ZCCHC17: variants seen among roughly 807,000 people sequenced by gnomAD.
The protein encoded by ZCCHC17 is zinc finger CCHC domain-containing protein 17.
Under a neutral mutation model 30.6 loss-of-function variants are expected in ZCCHC17, and 18 were observed. The ratio of observed to expected loss-of-function variants is 0.59; its 90% CI spans 0.41 to 0.87. ZCCHC17 has a LOEUF of 0.87. ZCCHC17 is among the 40% of genes least tolerant of loss of function. The probability of loss-of-function intolerance (pLI) is 0.00; values close to 1 mark genes in which losing one functional copy is unlikely to be tolerated. For missense variants in ZCCHC17, 263 were observed against 284.2 expected (o/e 0.93, Z 0.54); for synonymous variants, 88 against 92.4 (o/e 0.95, Z 0.27).
intron 7 of ZCCHC17, among the ~76,000 whole-genome samples, chr1:31,352,184 C>T (rs746165248): frequency 3.3e-5 from 5 of 152,134 alleles, no homozygotes; most frequent in Non-Finnish European, 5.9e-5. Flanking sequence ...GTAAAATACA[C>T]ATAACATAAA....
At chr1:31,298,204 G>A (rs1187866895) in intron 1 of ZCCHC17, among the ~76,000 whole-genome samples, 1 of 152,134 alleles carries the variant, frequency 6.6e-6, no homozygotes, top group Admixed American at 6.5e-5. Context: ...AGGTATATAG[G>A]AGGTAAAATG....
chr1:31,329,659 G>T (rs886500624), intron 3 of ZCCHC17, among the ~76,000 whole-genome samples: 2 of 152,150 alleles, frequency 1.3e-5, no homozygotes, highest in Admixed American at 6.5e-5. Context: ...ATGGAATTGT[G>T]GAACGGTTAG....
intron 7 of ZCCHC17, among the ~76,000 whole-genome samples, chr1:31,361,785 G>GATTA (rs74823245): frequency 7.1e-6 from 1 of 140,102 alleles, no homozygotes. Context: ...GAGAGGGGGA[G>GATTA]ATTATTTATT....
At chr1:31,315,316 G>C (rs562729155) in intron 2 of ZCCHC17, among the ~76,000 whole-genome samples, 7 of 152,278 alleles carry the variant, frequency 4.6e-5, no homozygotes, top group African/African-American at 1.7e-4. Flanking sequence ...TGAAGAAGGT[G>C]GTGTTTCAGC....
chr1:31,346,255 G>A (rs187962305), intron 5 of ZCCHC17, among the ~76,000 whole-genome samples: 8 of 152,294 alleles, frequency 5.3e-5, no homozygotes, highest in Admixed American at 1.3e-4. Context: ...GAGTAAAGAT[G>A]AGGCTGGAAA....
chr1:31,340,314 G>GGTTT (rs1638995483), intron 5 of ZCCHC17, among the ~76,000 whole-genome samples: 2 of 80,062 alleles, frequency 2.5e-5, no homozygotes, highest in Admixed American at 2.6e-4. Flanking sequence ...GATCTTGGAG[G>GGTTT]GTTTTTTTTT....
At chr1:31,336,834 T>G (rs1448292577) in intron 3 of ZCCHC17, among the ~76,000 whole-genome samples, 1 of 9,042 alleles carries the variant, frequency 1.1e-4, no homozygotes, top group Non-Finnish European at 3.3e-4. Flanking sequence ...CTGGCCAGGT[T>G]TTTTTTTTTT....
chr1:31,309,449 G>A (rs916818169), intron 1 of ZCCHC17, among the ~76,000 whole-genome samples: 2 of 152,022 alleles, frequency 1.3e-5, no homozygotes, highest in African/African-American at 4.8e-5. Flanking sequence ...CAAGTAGCTG[G>A]GACTACAGGC....
chr1:31,318,377 G>T (rs537257824), intron 2 of ZCCHC17: 3 of 671,948 alleles, frequency 4.5e-6, no homozygotes, highest in South Asian at 4.1e-5. Flanking sequence ...CTAGGTTAAT[G>T]ATTTATCTGG....
chr1:31,310,331 G>C (rs1557427656), intron 2 of ZCCHC17, among the ~76,000 whole-genome samples, 167 bp downstream of exon 2: 1 of 152,332 alleles, frequency 6.6e-6, no homozygotes, highest in East Asian at 1.9e-4. Context: ...CTAAGCTCCA[G>C]ATATTTAAGT....
At chr1:31,316,650 A>G (rs907021651) in intron 2 of ZCCHC17, among the ~76,000 whole-genome samples, 5 of 152,166 alleles carry the variant, frequency 3.3e-5, no homozygotes, top group Admixed American at 3.3e-4. Flanking sequence ...TCTGATCTCT[A>G]CGTTCCTCAT....
At chr1:31,343,677 T>G (rs1639130799) in intron 5 of ZCCHC17, among the ~76,000 whole-genome samples, 1 of 131,154 alleles carries the variant, frequency 7.6e-6, no homozygotes, top group African/African-American at 2.8e-5. Context: ...CAGAATTGAG[T>G]GTAGTATATA....
intron 7 of ZCCHC17, among the ~76,000 whole-genome samples, chr1:31,362,147 G>C (rs1411952818): frequency 2.0e-5 from 3 of 151,960 alleles, no homozygotes; most frequent in Non-Finnish European, 4.4e-5. Context: ...ACATTTGAAG[G>C]GAACAGGCCT....
chr1:31,341,621 G>A (rs1211545266), intron 5 of ZCCHC17, among the ~76,000 whole-genome samples: 3 of 152,202 alleles, frequency 2.0e-5, no homozygotes, highest in Non-Finnish European at 1.5e-5. Flanking sequence ...AGGAAGCATG[G>A]CATAATGGAA....
chr1:31,308,695 G>A (rs946832767), intron 1 of ZCCHC17, among the ~76,000 whole-genome samples: 26 of 152,286 alleles, frequency 1.7e-4, no homozygotes, highest in African/African-American at 5.5e-4. Context: ...AAGATCAGGA[G>A]GCTGAGCAAG....
At chr1:31,363,006 A>G (rs12408524) in intron 7 of ZCCHC17, among the ~76,000 whole-genome samples, 68,460 of 151,960 alleles carry the variant, frequency 0.45, 18,966 homozygotes, top group Non-Finnish European at 0.62. Context: ...ATACACAAGT[A>G]TGTGTAACAT....
chr1:31,311,996 C>T (rs1208485234), intron 2 of ZCCHC17, among the ~76,000 whole-genome samples: 2 of 152,178 alleles, frequency 1.3e-5, no homozygotes, highest in African/African-American at 4.8e-5. Context: ...TTGTCACCTC[C>T]AAAGGACACA....
At chr1:31,335,169 T>G (rs1218761083) in intron 3 of ZCCHC17, among the ~76,000 whole-genome samples, 1 of 152,150 alleles carries the variant, frequency 6.6e-6, no homozygotes, top group East Asian at 1.9e-4. Context: ...GGGCTTTGCT[T>G]CTTGTTTACC....
intron 3 of ZCCHC17, among the ~76,000 whole-genome samples, chr1:31,328,512 A>G (rs894536340): frequency 6.6e-6 from 1 of 151,648 alleles, no homozygotes; most frequent in Non-Finnish European, 1.5e-5. Context: ...TGTCTCAAAA[A>G]TAAATAAATA....
Sources: gnomAD v4.1 joint callset for allele counts (sites outside exome capture counted in the v4.1 genomes callset) on GRCh38, gnomAD v4.1.1 for gene constraint, MANE v1.5 for transcripts, NCBI Gene and HGNC (gene_info 2026-07-23, HGNC 2026-07-21) for gene names.